The following FOXN2 variants were observed in gnomAD, a reference collection of about 807,000 sequenced individuals.
FOXN2 encodes forkhead box protein N2.
FOXN2 carries 19 observed loss-of-function variants against 41.2 expected under a neutral mutation model. The ratio of observed to expected loss-of-function variants is 0.46; its 90% CI spans 0.32 to 0.68. The LOEUF is 0.68. Ranked by LOEUF, FOXN2 falls within the 30% of genes least tolerant of loss-of-function variation. FOXN2 has a pLI of 0.03. For synonymous variants in FOXN2, 195 were observed against 176.8 expected, an observed-to-expected ratio of 1.10 and a Z score of -0.82; for missense variants, 587 against 509.4, an observed-to-expected ratio of 1.15 and a Z score of -1.47.
intron 1 of FOXN2, among the ~76,000 whole-genome samples, chr2:48,316,971 A>G (rs974083914): frequency 2.6e-5 from 4 of 152,198 alleles, no homozygotes; most frequent in Non-Finnish European, 5.9e-5. Flanking sequence ...TTGAAGTGGT[A>G]TCTAGGCCTT....
In FOXN2 at chr2:48,336,429, ATG is replaced by A. The variant is rs1491377047; in HGVS notation, c.-15+7729_-15+7730del. 4.3e-3 allele frequency among the ~76,000 whole-genome samples: 618 copies of A among 143,902 alleles called. 3 individuals are homozygous for A. Among genetic ancestry groups the A allele is most frequent in the African/African-American group, 0.015 (572 of 38,294 alleles). 94.4% of individuals were successfully genotyped at this position (143,902 alleles called of 152,430 possible). A position where few individuals can be genotyped will look rare whatever the true frequency, so the allele number is the denominator to read the frequency against. Reference sequence around the variant, plus strand: ...TTTCCAAAAAAAAAAATATATATATATGTATATGTGTGTGTGTGTGTGTGTGT... The same window carrying A: ...TTTCCAAAAAAAAAAATATATATATATATATGTGTGTGTGTGTGTGTGTGT... On this transcript the variant is annotated intron_variant, in intron 2 of 6. Transcript: ENST00000340553.
At chr2:48,344,961 G>A (rs1671005634) in intron 2 of FOXN2, among the ~76,000 whole-genome samples, 1 of 151,370 alleles carries the variant, frequency 6.6e-6, no homozygotes, top group Admixed American at 6.6e-5. Context: ...TAATTAAATA[G>A]CACATTAGCC....
At position 48,356,346 on chromosome 2, in the gene FOXN2, C is replaced by G. The variant is rs534475988; in HGVS notation, c.538-2701C>G. ...ATCCCAGCTACTTGGGAGGCTGAGG[C>G]AAGGGAATCGTCCGAACCTGGGAGG... On this transcript the variant is annotated intron_variant, in intron 3 of 6. Transcript: ENST00000340553. Among the ~76,000 whole-genome samples the G allele has an allele frequency of 3.3e-3, 497 of 151,344 alleles. 5 individuals carry two copies. The highest frequency in any genetic ancestry group is 0.011 in the African/African-American group (470 of 41,202).
intron 1 of FOXN2, among the ~76,000 whole-genome samples, chr2:48,315,015 G>C (rs987177194): frequency 6.6e-6 from 1 of 152,242 alleles, no homozygotes; most frequent in Non-Finnish European, 1.5e-5. Context: ...CGCGTATCGG[G>C]TGGTGTGTGG....
chr2:48,325,309 A>T (rs377726338), intron 1 of FOXN2, among the ~76,000 whole-genome samples: 2 of 152,236 alleles, frequency 1.3e-5, no homozygotes, highest in Non-Finnish European at 2.9e-5. Flanking sequence ...AATAAGATTA[A>T]AAGAGTTAAT....
chr2:48,367,749 G>A (rs188474876), intron 5 of FOXN2, among the ~76,000 whole-genome samples: 2 of 152,308 alleles, frequency 1.3e-5, no homozygotes, highest in East Asian at 1.9e-4. Flanking sequence ...ACTAGTGTCT[G>A]AATTGTTTTT....
rs766355519 is a variant in FOXN2, at chr2:48,363,366, A to C, written c.703+659A>C. Among the ~76,000 whole-genome samples the C allele has an allele frequency of 1.5e-4, 22 of 150,768 alleles. 1 individual carries two copies. The highest frequency in any genetic ancestry group is 2.7e-4 in the Non-Finnish European group (18 of 67,784). On this transcript the variant is annotated intron_variant, in intron 5 of 6. Coordinates refer to ENST00000340553, the MANE Select transcript of FOXN2 (RefSeq NM_002158.4). ...TTTATGCTGTTATTACAAAAGAGTA[A>C]AAATTTAAAAAATTAAAAAGTTTAT... is the stretch of plus-strand genomic sequence containing the variant.
chr2:48,352,952 A>G (rs1304162129), intron 3 of FOXN2, among the ~76,000 whole-genome samples: 3 of 152,166 alleles, frequency 2.0e-5, no homozygotes, highest in Admixed American at 6.5e-5. Context: ...AGTTTCTACC[A>G]TAACATTGGC....
Position 48,375,304 on chromosome 2 carries a change from G to T in FOXN2, c.1157G>T (p.Arg386Leu), listed in dbSNP as rs750200540. 1 of 1,613,712 alleles carries T rather than the reference G, an allele frequency of 6.2e-7. No homozygotes were observed. Among genetic ancestry groups the T allele is most frequent in the African/African-American group, 1.3e-5 (1 of 74,920 alleles). ...AAAGGGCAGTCAGGCAAAAAGATGC[G>T]AAAACAGACATGTCAAGAAATTGAT... is the stretch of plus-strand genomic sequence containing the variant. ...SEKGQSGKKM[R>L]KQTCQEIDEE... Residue 386 changes from arginine (R) to leucine (L), a missense_variant, in exon 7 of 7, where the codon CGA (arginine) becomes CTA (leucine). Coordinates refer to ENST00000340553, the MANE Select transcript of FOXN2 (RefSeq NM_002158.4).
At chr2:48,320,794 T>G (rs776716077) in intron 1 of FOXN2, among the ~76,000 whole-genome samples, 2 of 152,022 alleles carry the variant, frequency 1.3e-5, no homozygotes, top group African/African-American at 2.4e-5. Flanking sequence ...TCCTAAGGAG[T>G]AGGGAAGAAT....
intron 5 of FOXN2, among the ~76,000 whole-genome samples, 157 bp from the exon 6 acceptor site, chr2:48,373,135 A>G (rs942556720): frequency 6.6e-6 from 1 of 152,188 alleles, no homozygotes; most frequent in Non-Finnish European, 1.5e-5. Context: ...AGACTTCAGA[A>G]TAATATATAA....
intron 2 of FOXN2, among the ~76,000 whole-genome samples, chr2:48,342,631 T>A (rs1293934933): frequency 1.3e-5 from 2 of 152,224 alleles, no homozygotes; most frequent in African/African-American, 4.8e-5. Context: ...TGAGAAAAGA[T>A]CATTTGCCTG....
rs1164830901 is a variant in FOXN2, at chr2:48,375,885, C to T, written c.*442C>T. On this transcript the variant is annotated 3_prime_UTR_variant, in exon 7 of 7. Coordinates refer to ENST00000340553, the MANE Select transcript of FOXN2 (RefSeq NM_002158.4). ...TTTTTCATATACTTCTCTCCTGACACGCAATCCGGTAACATAAGATTGAAA... is the reference window on the plus strand; with the variant it reads ...TTTTTCATATACTTCTCTCCTGACATGCAATCCGGTAACATAAGATTGAAA... 1 of 153,714 alleles carries T rather than the reference C, an allele frequency of 6.5e-6. No homozygotes were observed. The highest frequency in any genetic ancestry group is 1.5e-5 in the Non-Finnish European group (1 of 68,936). 9.5% of individuals were successfully genotyped at this position (153,714 alleles called of 1,614,324 possible).
intron 1 of FOXN2, among the ~76,000 whole-genome samples, chr2:48,323,688 TATTG>T (rs1293574576): frequency 7.2e-5 from 11 of 152,196 alleles, no homozygotes; most frequent in African/African-American, 2.7e-4. Flanking sequence ...GGGTTCTCTT[TATTG>T]ATTATTTCTT....
At chr2:48,344,847 C>T (rs1391527333) in intron 2 of FOXN2, among the ~76,000 whole-genome samples, 1 of 149,794 alleles carries the variant, frequency 6.7e-6, no homozygotes, top group African/African-American at 2.4e-5. Flanking sequence ...GGTACCCCCC[C>T]CCCCCAATTA....
chr2:48,357,794 T>C (rs1234705728), intron 3 of FOXN2, among the ~76,000 whole-genome samples: 1 of 150,274 alleles, frequency 6.7e-6, no homozygotes, highest in Non-Finnish European at 1.5e-5. Flanking sequence ...TCCAGGTGAC[T>C]GAACATATAG....
intron 2 of FOXN2, among the ~76,000 whole-genome samples, chr2:48,344,154 GGTCACTTACATA>G (rs1670947156): frequency 6.6e-6 from 1 of 151,822 alleles, no homozygotes. Context: ...TGAATAATTT[GGTCACTTACATA>G]GTACAGGATA....
chr2:48,350,410 T>A (rs1247032271), intron 3 of FOXN2, among the ~76,000 whole-genome samples: 1 of 152,250 alleles, frequency 6.6e-6, no homozygotes, highest in East Asian at 1.9e-4. Flanking sequence ...ACATGGCACA[T>A]TGCCTTGTTA....
At chr2:48,362,994 A>C (rs1461325919) in intron 5 of FOXN2, among the ~76,000 whole-genome samples, 1 of 152,224 alleles carries the variant, frequency 6.6e-6, no homozygotes, top group African/African-American at 2.4e-5. Flanking sequence ...TCACTAGTTT[A>C]TGTATTTACT....
Sources: allele counts gnomAD v4.1 joint callset (sites outside exome capture counted in the v4.1 genomes callset), GRCh38; gene constraint gnomAD v4.1.1; transcripts MANE v1.5; gene names NCBI Gene and HGNC (gene_info 2026-07-23, HGNC 2026-07-21).